Variants in SENP6 observed in about 807,000 individuals in gnomAD.
SENP6 encodes the protein SUMO specific peptidase 6, also known as sentrin-specific protease 6.
In SENP6, 41 loss-of-function variants were observed where a neutral mutation model predicts 134.5. That is an observed-to-expected ratio of 0.30 (90% CI 0.24 to 0.40). The LOEUF is 0.40. Ranked by LOEUF, SENP6 falls within the 10% of genes least tolerant of loss-of-function variation. The pLI, the probability that SENP6 is intolerant of heterozygous loss-of-function variation, is 1.00. For missense variants in SENP6, 1,248 were observed against 1,312.5 expected (o/e 0.95, Z 0.76); for synonymous variants, 395 against 429.8 (o/e 0.92, Z 1.00).
Position 75,717,269 on chromosome 6 carries a change from C to T in SENP6, c.*1675C>T, listed in dbSNP as rs1776065331. On this transcript the variant is annotated 3_prime_UTR_variant, in exon 24 of 24. Coordinates refer to ENST00000447266, the MANE Select transcript of SENP6 (RefSeq NM_015571.4). ...AATAGCAATAAGCAAAATTGGCATA[C>T]ATAATTTTTTTAATGAACTATATTT... 1 of 151,722 alleles carries T rather than the reference C, an allele frequency of 6.6e-6. No homozygotes were observed. Among genetic ancestry groups the T allele is most frequent in the African/African-American group, 2.4e-5 (1 of 41,356 alleles). 9.4% of individuals were successfully genotyped at this position (151,722 alleles called of 1,614,324 possible).
At position 75,695,886 on chromosome 6, in the gene SENP6, CAG is replaced by C. The variant is rs1425643075; in HGVS notation, c.2167_2168del (p.Arg723GlufsTer4). 2.5e-6 allele frequency: 4 copies of C among 1,605,898 alleles called. No homozygotes were observed. Among genetic ancestry groups the C allele is most frequent in the East Asian group, 4.5e-5 (2 of 44,522 alleles). On this transcript the variant is annotated frameshift_variant, in exon 17 of 24. Transcript: ENST00000447266. LOFTEE classifies it high-confidence loss of function. ...FSSFFYKRLN[Q>X]RERRNHETTN... ...TTCTTTTTTCTATAAACGCCTTAAT[CAG>C]AGAGAGAGGAGAAATCATGAAACAA...
intron 3 of SENP6, among the ~76,000 whole-genome samples, chr6:75,630,741 AT>A (rs991792703): frequency 1.3e-5 from 2 of 151,740 alleles, no homozygotes; most frequent in African/African-American, 4.8e-5. Flanking sequence ...CTTTTAAGGG[AT>A]TTATATCTTT....
chr6:75,671,646 T>C (rs1231685709), intron 11 of SENP6, among the ~76,000 whole-genome samples: 2 of 152,072 alleles, frequency 1.3e-5, no homozygotes, highest in African/African-American at 4.8e-5. Context: ...TGCTTGAACC[T>C]GGGAGGCAGA....
intron 16 of SENP6, among the ~76,000 whole-genome samples, chr6:75,695,554 T>C (rs990113248): frequency 1.3e-5 from 2 of 152,086 alleles, no homozygotes; most frequent in Non-Finnish European, 2.9e-5. Flanking sequence ...CTGACCAACA[T>C]GGGGGAAACC....
At chr6:75,701,662 CGGA>C (rs1401448590) in intron 18 of SENP6, among the ~76,000 whole-genome samples, 4 of 86,314 alleles carry the variant, frequency 4.6e-5, no homozygotes, top group Non-Finnish European at 8.1e-5. Context: ...TTTTTGGAGA[CGGA>C]GTCTCGCTCT....
intron 1 of SENP6, among the ~76,000 whole-genome samples, chr6:75,612,219 G>A (rs1235908944): frequency 1.3e-5 from 2 of 152,148 alleles, no homozygotes; most frequent in East Asian, 1.9e-4. Context: ...CTTGTAACAT[G>A]GTGACTCAAG....
At chr6:75,681,963 T>C (rs1773496295) in intron 16 of SENP6, among the ~76,000 whole-genome samples, 1 of 151,972 alleles carries the variant, frequency 6.6e-6, no homozygotes, top group South Asian at 2.1e-4. Flanking sequence ...CTGGGCTCAA[T>C]AGCAGAATGG....
At chr6:75,710,207 AT>A (rs1214110384) in intron 20 of SENP6, among the ~76,000 whole-genome samples, 3 of 151,854 alleles carry the variant, frequency 2.0e-5, no homozygotes, top group Non-Finnish European at 4.4e-5. Flanking sequence ...CTCCTGCCTG[AT>A]TCGATTTATA....
In SENP6 at chr6:75,647,787, G is replaced by A; in HGVS notation, c.536G>A (p.Arg179Gln). Reference protein sequence around the residue: ...KVEINPVRLSRLQGVERIMKK... With the variant: ...KVEINPVRLSQLQGVERIMKK... ...GAAATTAATCCTGTAAGGTTAAGTC[G>A]GCTCCAAGGTGTTGGTAAGTGTGCA... Residue 179 changes from arginine to glutamine, a missense_variant, in exon 7 of 24, where the codon CGG becomes CAG. Arg to Gln is a conservative substitution (Grantham distance 43, BLOSUM62 1). Transcript: ENST00000447266. The A allele has an allele frequency of 3.7e-6, 6 of 1,612,240 alleles. No homozygotes were observed. The highest frequency in any genetic ancestry group is 5.1e-6 in the Non-Finnish European group (6 of 1,178,850).
intron 6 of SENP6, chr6:75,644,220 A>G (rs542959966): frequency 6.6e-6 from 1 of 152,150 alleles, no homozygotes; most frequent in South Asian, 2.1e-4. Flanking sequence ...GAAAAAAAAA[A>G]CACCAAAAGG....
intron 19 of SENP6, among the ~76,000 whole-genome samples, chr6:75,705,731 ATTTTTC>A (rs59252717): frequency 0.11 from 17,072 of 151,060 alleles, 971 homozygotes; most frequent in African/African-American, 0.14. Context: ...GATCTAATAC[ATTTTTC>A]TTCTTTTTTT....
chr6:75,634,640 AT>A (rs573057877), intron 4 of SENP6, 66 bp from the exon 5 acceptor site: 11 of 867,208 alleles, frequency 1.3e-5, no homozygotes, highest in South Asian at 1.9e-5. Context: ...ATTTTAAAAG[AT>A]TTTTTTTATA....
At chr6:75,621,842 G>T (rs1159772883) in intron 2 of SENP6, among the ~76,000 whole-genome samples, 1 of 152,022 alleles carries the variant, frequency 6.6e-6, no homozygotes, top group East Asian at 1.9e-4. Flanking sequence ...ATATATGCTT[G>T]TAGTACATGT....
At chr6:75,699,155 T>A (rs996253622) in intron 18 of SENP6, among the ~76,000 whole-genome samples, 1 of 152,150 alleles carries the variant, frequency 6.6e-6, no homozygotes, top group African/African-American at 2.4e-5. Flanking sequence ...ATAAAAATTT[T>A]AAATAGAAAT....
intron 19 of SENP6, among the ~76,000 whole-genome samples, chr6:75,705,356 C>T (rs1005160306): frequency 6.6e-6 from 1 of 151,940 alleles, no homozygotes; most frequent in Non-Finnish European, 1.5e-5. Flanking sequence ...ACCAGCCTGA[C>T]CAACGTGGTA....
At chr6:75,651,612 A>G (rs988996622) in intron 7 of SENP6, among the ~76,000 whole-genome samples, 1 of 152,134 alleles carries the variant, frequency 6.6e-6, no homozygotes, top group Non-Finnish European at 1.5e-5. Flanking sequence ...TCAGCCTCCC[A>G]AAGTGCTGGG....
intron 1 of SENP6, 125 bp from the exon 2 acceptor site, chr6:75,621,407 A>G: frequency 4.9e-6 from 3 of 612,138 alleles, no homozygotes; most frequent in Non-Finnish European, 5.8e-6. Flanking sequence ...TTTACAAAAA[A>G]TAGACAAAGG....
At chr6:75,674,319 A>G (rs1772921863) in intron 11 of SENP6, among the ~76,000 whole-genome samples, 1 of 151,646 alleles carries the variant, frequency 6.6e-6, no homozygotes, top group Non-Finnish European at 1.5e-5. Context: ...ATCTATACCT[A>G]GGTAAGTTTT....
Position 75,601,882 on chromosome 6 carries a change from CGGCGGCGGCTGGAGCTGCTG to C in SENP6, c.-642_-623del. 1 of 152,524 alleles carries C rather than the reference CGGCGGCGGCTGGAGCTGCTG, an allele frequency of 6.6e-6. No individual in the cohort carries two copies. Among genetic ancestry groups the C allele is most frequent in the African/African-American group, 2.4e-5 (1 of 41,530 alleles). 9.4% of individuals were successfully genotyped at this position (152,524 alleles called of 1,614,324 possible). On this transcript the variant is annotated 5_prime_UTR_variant, in exon 1 of 24. Transcript: ENST00000447266. ...AGCGCCCGTGGGGGAGGAGCGGCAG[CGGCGGCGGCTGGAGCTGCTG>C]TGGCGACCGACGCGAGGCGGTGGCA...
Sources: gnomAD v4.1 joint callset for allele counts (sites outside exome capture counted in the v4.1 genomes callset) on GRCh38, gnomAD v4.1.1 for gene constraint, MANE v1.5 for transcripts, NCBI Gene and HGNC (gene_info 2026-07-23, HGNC 2026-07-21) for gene names.